EPHA3: variants seen among roughly 807,000 people sequenced by gnomAD.
EPHA3 encodes the protein ephrin type-A receptor 3.
Under a neutral mutation model 107.1 loss-of-function variants are expected in EPHA3, and 42 were observed. That is an observed-to-expected ratio of 0.39 (90% CI 0.31 to 0.51). The LOEUF (loss-of-function observed/expected upper bound fraction) is 0.51, where lower values mean the gene tolerates loss of function less well. Among genes scored for constraint, EPHA3 ranks in the 20% least tolerant of loss-of-function variants. The probability of loss-of-function intolerance (pLI) is 0.78; values close to 1 mark genes in which losing one functional copy is unlikely to be tolerated. For synonymous variants in EPHA3, 461 were observed against 424.8 expected, an observed-to-expected ratio of 1.09 and a Z score of -1.05; for missense variants, 1,183 against 1,211.2, an observed-to-expected ratio of 0.98 and a Z score of 0.35.
At chr3:89,403,225 T>C (rs1708998625) in intron 7 of EPHA3, among the ~76,000 whole-genome samples, 1 of 152,022 alleles carries the variant, frequency 6.6e-6, no homozygotes, top group Non-Finnish European at 1.5e-5. Flanking sequence ...CAAAGGGAGG[T>C]TAAGGAAGTT....
intron 5 of EPHA3, among the ~76,000 whole-genome samples, chr3:89,388,821 C>T (rs1708672143): frequency 6.6e-6 from 1 of 152,116 alleles, no homozygotes; most frequent in African/African-American, 2.4e-5. Context: ...TTATTATTTG[C>T]TTAACATTTT....
intron 13 of EPHA3, among the ~76,000 whole-genome samples, chr3:89,438,121 T>G (rs1259711777): frequency 2.0e-5 from 3 of 152,258 alleles, no homozygotes; most frequent in Non-Finnish European, 2.9e-5. Flanking sequence ...TTGTTTTGTT[T>G]TTTTTGAGAT....
At chr3:89,472,657 C>G in intron 16 of EPHA3, 38 bp downstream of exon 16, 1 of 1,536,128 alleles carries the variant, frequency 6.5e-7, no homozygotes, top group Non-Finnish European at 8.8e-7. Flanking sequence ...ATGAAGGATT[C>G]TTTTGAACTT....
intron 3 of EPHA3, among the ~76,000 whole-genome samples, chr3:89,228,857 A>G (rs557002830): frequency 6.6e-6 from 1 of 151,926 alleles, no homozygotes; most frequent in Non-Finnish European, 1.5e-5. Context: ...TGAAGTACAT[A>G]TAAACTAAAG....
At chr3:89,125,645 T>C (rs1374610183) in intron 1 of EPHA3, among the ~76,000 whole-genome samples, 1 of 151,690 alleles carries the variant, frequency 6.6e-6, no homozygotes, top group Non-Finnish European at 1.5e-5. Context: ...TTAGGATTAA[T>C]TTATTGGGAA....
intron 2 of EPHA3, among the ~76,000 whole-genome samples, chr3:89,193,748 CT>C (rs1705773599): frequency 6.6e-6 from 1 of 151,888 alleles, no homozygotes; most frequent in Non-Finnish European, 1.5e-5. Flanking sequence ...ATTGAATAAA[CT>C]ACTTTTTTAG....
At chr3:89,450,120 A>G in intron 14 of EPHA3, 57 bp from the exon 15 acceptor site, 2 of 1,434,872 alleles carry the variant, frequency 1.4e-6, no homozygotes, top group Non-Finnish European at 1.9e-6. Context: ...GAAAACGTAA[A>G]CTAAGTGACA....
At chr3:89,220,051 A>C (rs527626705) in intron 3 of EPHA3, among the ~76,000 whole-genome samples, 1 of 152,116 alleles carries the variant, frequency 6.6e-6, no homozygotes, top group Non-Finnish European at 1.5e-5. Flanking sequence ...GGGGTTGCTT[A>C]CTGGCACCTC....
At chr3:89,120,055 T>G (rs556856268) in intron 1 of EPHA3, among the ~76,000 whole-genome samples, 99 of 152,288 alleles carry the variant, frequency 6.5e-4, no homozygotes, top group African/African-American at 2.2e-3. Flanking sequence ...ATAATATGAT[T>G]TTTTAAATAC....
At chr3:89,415,837 C>T (rs1337425495) in intron 10 of EPHA3, among the ~76,000 whole-genome samples, 5 of 151,260 alleles carry the variant, frequency 3.3e-5, no homozygotes, top group South Asian at 2.1e-4. Context: ...CATTTCAGCA[C>T]GTGAATAAAC....
intron 2 of EPHA3, among the ~76,000 whole-genome samples, chr3:89,157,047 A>G (rs1704823247): frequency 1.3e-5 from 2 of 152,002 alleles, no homozygotes; most frequent in African/African-American, 2.4e-5. Context: ...AATATGTAGC[A>G]TGCAAAAGCT....
chr3:89,235,694 C>T (rs1177344020), intron 3 of EPHA3, among the ~76,000 whole-genome samples: 1 of 151,874 alleles, frequency 6.6e-6, no homozygotes, highest in Middle Eastern at 3.6e-3. Flanking sequence ...TAAAACTACC[C>T]TATTTTTTCA....
intron 1 of EPHA3, among the ~76,000 whole-genome samples, chr3:89,118,278 A>G (rs924153088): frequency 1.3e-5 from 2 of 152,000 alleles, no homozygotes; most frequent in African/African-American, 4.8e-5. Flanking sequence ...AAACTAGTTA[A>G]TCCATGCTTA....
Position 89,415,886 on chromosome 3 carries a change from G to A in EPHA3, c.1888+2620G>A, listed in dbSNP as rs1400344565. 2.0e-5 allele frequency among the ~76,000 whole-genome samples: 3 copies of A among 151,364 alleles called. 1 individual carries two copies. The Admixed American group carries it at 2.0e-4, about 10-fold the overall frequency. ...TTGAATAGACTTGTTTGGATCAAAT[G>A]AAAAACCAAAATTTGAATCTTATAC... is the stretch of plus-strand genomic sequence containing the variant. On this transcript the variant is annotated intron_variant, in intron 10 of 16. Coordinates refer to ENST00000336596, the MANE Select transcript of EPHA3 (RefSeq NM_005233.6).
At chr3:89,438,868 G>A (rs1212067793) in intron 13 of EPHA3, among the ~76,000 whole-genome samples, 6 of 152,094 alleles carry the variant, frequency 3.9e-5, no homozygotes, top group African/African-American at 9.7e-5. Context: ...ATGTTGAATC[G>A]ACACTTAATG....
intron 2 of EPHA3, among the ~76,000 whole-genome samples, chr3:89,134,750 T>C (rs1704277922): frequency 6.6e-6 from 1 of 152,166 alleles, no homozygotes; most frequent in Non-Finnish European, 1.5e-5. Flanking sequence ...ACCACTGCAC[T>C]GGACCTTCAT....
chr3:89,448,825 G>A (rs1395816197), intron 13 of EPHA3, among the ~76,000 whole-genome samples: 1 of 152,022 alleles, frequency 6.6e-6, no homozygotes, highest in Non-Finnish European at 1.5e-5. Context: ...AACTTCGATT[G>A]CTTGGTCAAG....
intron 2 of EPHA3, among the ~76,000 whole-genome samples, chr3:89,172,451 G>A (rs1705232192): frequency 6.6e-6 from 1 of 152,142 alleles, no homozygotes; most frequent in Non-Finnish European, 1.5e-5. Flanking sequence ...GTACAGTCAG[G>A]CCTGCGTTAC....
intron 15 of EPHA3, among the ~76,000 whole-genome samples, chr3:89,459,124 A>G (rs1289311462): frequency 6.6e-6 from 1 of 152,152 alleles, no homozygotes; most frequent in African/African-American, 2.4e-5. Flanking sequence ...GCAGCAAACC[A>G]CCAAGTCACA....
Sources: allele counts gnomAD v4.1 joint callset (sites outside exome capture counted in the v4.1 genomes callset), GRCh38; gene constraint gnomAD v4.1.1; transcripts MANE v1.5; gene names NCBI Gene and HGNC (gene_info 2026-07-23, HGNC 2026-07-21).